The following SLC9A4 variants were observed in gnomAD, a reference collection of about 807,000 sequenced individuals.
SLC9A4 encodes solute carrier family 9 member A4.
Under a neutral mutation model 67.4 loss-of-function variants are expected in SLC9A4, and 63 were observed. The ratio of observed to expected loss-of-function variants is 0.93; its 90% confidence interval spans 0.76 to 1.15. SLC9A4 has a LOEUF of 1.15. Among genes scored for constraint, SLC9A4 ranks in the 50% most tolerant of loss-of-function variants. The pLI is 0.00. For missense variants in SLC9A4, 1,089 were observed against 987.7 expected, an observed-to-expected ratio of 1.10 and a Z score of -1.38; for synonymous variants, 393 against 367.2, an observed-to-expected ratio of 1.07 and a Z score of -0.80.
chr2:102,479,386 C>A, intron 2 of SLC9A4, 84 bp downstream of exon 2: 1 of 1,394,068 alleles, frequency 7.2e-7, no homozygotes, highest in South Asian at 1.4e-5. Flanking sequence ...GGAGACGGCT[C>A]CAGTGTGGCT....
At chr2:102,485,079 G>C (rs1287721697) in intron 2 of SLC9A4, among the ~76,000 whole-genome samples, 1 of 152,106 alleles carries the variant, frequency 6.6e-6, no homozygotes, top group African/African-American at 2.4e-5. Flanking sequence ...GTACACAGTG[G>C]TTAAGGACAG....
intron 4 of SLC9A4, 72 bp from the exon 5 acceptor site, chr2:102,508,007 C>A (rs1685083525): frequency 6.8e-7 from 1 of 1,471,578 alleles, no homozygotes. Flanking sequence ...GCGCACACAA[C>A]CTCAGTTCAC....
chr2:102,510,231 G>GGATACAGATACA lies in SLC9A4; in HGVS notation c.1488+1333_1488+1344dup, dbSNP rs1553413618. Among the ~76,000 whole-genome samples the GGATACAGATACA allele has an allele frequency of 6.2e-3, 855 of 137,046 alleles. 8 individuals are homozygous for GGATACAGATACA. The highest frequency in any genetic ancestry group is 0.013 in the African/African-American group (462 of 36,380). The allele number at this position is 137,046 out of a possible 152,430, so 89.9% of individuals were successfully genotyped here. Reference sequence around the variant, plus strand: ...TAGATATAGATACAGATACGGATACGGATACAGATACAGATACAGATACAG... The same window carrying GGATACAGATACA: ...TAGATATAGATACAGATACGGATACGGATACAGATACAGATACAGATACAGATACAGATACAG... On this transcript the variant is annotated intron_variant, in intron 6 of 11. Coordinates refer to ENST00000295269, the MANE Select transcript of SLC9A4 (RefSeq NM_001011552.4).
chr2:102,505,560 A>G, intron 4 of SLC9A4, 89 bp downstream of exon 4: 3 of 1,295,884 alleles, frequency 2.3e-6, no homozygotes, highest in South Asian at 1.3e-5. Flanking sequence ...TGGAGGACTG[A>G]GTAGATGCTA....
intron 8 of SLC9A4, among the ~76,000 whole-genome samples, chr2:102,516,181 G>T (rs2216000): frequency 1.2e-4 from 18 of 152,054 alleles, no homozygotes; most frequent in South Asian, 4.1e-4. Flanking sequence ...TATTTGGAGT[G>T]GGGGCCTGCC....
Position 102,478,924 on chromosome 2 carries a change from C to A in SLC9A4, c.342C>A (p.Ile114=), listed in dbSNP as rs532823351. 2.7e-5 allele frequency: 43 copies of A among 1,614,114 alleles called. No individual in the cohort carries two copies. Among genetic ancestry groups the A allele is most frequent in the African/African-American group, 5.3e-5 (4 of 75,066 alleles). Reference sequence around the variant, plus strand: ...TGGGGGCGCTGGTGGGCGGCATCATCTTCGGCACCGACCACAAATCGCCTC... The same window carrying A: ...TGGGGGCGCTGGTGGGCGGCATCATATTCGGCACCGACCACAAATCGCCTC... ...ILVGALVGGI[I]FGTDHKSPPV... The change falls in exon 2 of 12, where the codon ATC becomes ATA. Residue 114 remains isoleucine (I), a synonymous_variant. Transcript: ENST00000295269.
At chr2:102,490,044 A>G (rs1195011299) in intron 2 of SLC9A4, among the ~76,000 whole-genome samples, 1 of 151,448 alleles carries the variant, frequency 6.6e-6, no homozygotes, top group Non-Finnish European at 1.5e-5. Flanking sequence ...ATTATTTGGC[A>G]TGCAGGAAAG....
chr2:102,494,832 C>A (rs1479489378), intron 2 of SLC9A4, among the ~76,000 whole-genome samples: 1 of 151,988 alleles, frequency 6.6e-6, no homozygotes, highest in Admixed American at 6.6e-5. Context: ...CAACAAAATA[C>A]ATGAATTAAA....
At chr2:102,527,170 C>A (rs757733404) in intron 11 of SLC9A4, among the ~76,000 whole-genome samples, 1 of 152,174 alleles carries the variant, frequency 6.6e-6, no homozygotes, top group South Asian at 2.1e-4. Flanking sequence ...AACCCTAATG[C>A]CAAGGTATGA....
Position 102,473,912 on chromosome 2 carries a change from A to G in SLC9A4, c.153A>G (p.Ser51=). 6.2e-7 allele frequency: 1 copy of G among 1,614,146 alleles called. No individual in the cohort carries two copies. The highest frequency in any genetic ancestry group is 8.5e-7 in the Non-Finnish European group (1 of 1,179,972). The change falls in exon 1 of 12, where the codon TCA becomes TCG. Residue 51 remains serine (S), a synonymous_variant. Transcript: ENST00000295269. The stretch of plus-strand genomic sequence containing the variant: ...ACGCTTGGTTTGCTGCTGCCAGCTC[A>G]GAGCCAGAGGAAGGGATATCTGTTT... ...ASNAWFAAAS[S]EPEEGISVFE...
rs1403700901 is a variant in SLC9A4 at position 102,508,113 on chromosome 2, T to C, written c.1233T>C (p.Phe411=). The change falls in exon 5 of 12, where the codon TTT becomes TTC. Residue 411 remains phenylalanine, a synonymous_variant. Coordinates refer to ENST00000295269, the MANE Select transcript of SLC9A4 (RefSeq NM_001011552.4). ...CTCTCTTCTATATCAGTAACCAGTT[T>C]CGGACTTTCCCCTTCTCCATCAAGG... ...VFALFYISNQ[F]RTFPFSIKDQ... The C allele has an allele frequency of 2.5e-6, 4 of 1,614,176 alleles. No individual in the cohort carries two copies. Among genetic ancestry groups the C allele is most frequent in the Non-Finnish European group, 2.5e-6 (3 of 1,180,020 alleles).
intron 7 of SLC9A4, among the ~76,000 whole-genome samples, 175 bp from the exon 8 acceptor site, chr2:102,513,915 T>C (rs1006532462): frequency 1.3e-5 from 2 of 152,224 alleles, no homozygotes; most frequent in African/African-American, 4.8e-5. Context: ...AAAAAATGCA[T>C]AAATGCTATG....
At chr2:102,512,310 C>T in intron 7 of SLC9A4, 37 bp downstream of exon 7, 2 of 1,602,976 alleles carry the variant, frequency 1.2e-6, no homozygotes, top group Non-Finnish European at 1.7e-6. Context: ...TGACAAACTT[C>T]TAAAGGTTCC....
intron 11 of SLC9A4, among the ~76,000 whole-genome samples, chr2:102,530,595 G>A (rs957666753): frequency 2.0e-5 from 3 of 152,250 alleles, no homozygotes; most frequent in South Asian, 2.1e-4. Context: ...CAGTGACCAG[G>A]GTCTGTCCAC....
intron 2 of SLC9A4, among the ~76,000 whole-genome samples, chr2:102,487,398 G>A (rs551779260): frequency 5.9e-5 from 9 of 152,260 alleles, no homozygotes; most frequent in Admixed American, 5.9e-4. Context: ...CACCAAATCT[G>A]ACTCCTAACC....
At chr2:102,529,670 C>A (rs1004843668) in intron 11 of SLC9A4, among the ~76,000 whole-genome samples, 13 of 152,174 alleles carry the variant, frequency 8.5e-5, no homozygotes, top group African/African-American at 3.1e-4. Context: ...TCTTTCTGCA[C>A]CAGGAGAATG....
chr2:102,490,906 T>A (rs1684684667), intron 2 of SLC9A4, among the ~76,000 whole-genome samples: 1 of 152,206 alleles, frequency 6.6e-6, no homozygotes, highest in Non-Finnish European at 1.5e-5. Flanking sequence ...TTACTCAAGG[T>A]CTTTAGCTTA....
intron 2 of SLC9A4, among the ~76,000 whole-genome samples, chr2:102,483,799 CATATATATATATATATATATATAT>C (rs61195337): frequency 3.5e-5 from 4 of 114,284 alleles, no homozygotes; most frequent in East Asian, 3.5e-4. Flanking sequence ...CCATGTACAG[CATATATATATATATATATATATAT>C]ATATATATAT....
intron 2 of SLC9A4, among the ~76,000 whole-genome samples, chr2:102,489,639 A>G (rs935124973): frequency 6.6e-6 from 1 of 152,206 alleles, no homozygotes; most frequent in Non-Finnish European, 1.5e-5. Context: ...TCTGCCATCC[A>G]TTCAGTTCAC....
Sources: gnomAD v4.1 joint callset for allele counts (sites outside exome capture counted in the v4.1 genomes callset) on GRCh38, gnomAD v4.1.1 for gene constraint, MANE v1.5 for transcripts, NCBI Gene and HGNC (gene_info 2026-07-23, HGNC 2026-07-21) for gene names.